ANXA8: variants seen among roughly 807,000 people sequenced by gnomAD.
The protein encoded by ANXA8 is VAC-beta.
A neutral mutation model predicts 26.8 loss-of-function variants in ANXA8; 9 were observed. The observed-to-expected ratio is 0.34, with a 90% CI of 0.20 to 0.59. The LOEUF is 0.59. ANXA8 is among the 20% of genes least tolerant of loss of function. The probability of loss-of-function intolerance (pLI) is 0.84; values close to 1 mark genes in which losing one functional copy is unlikely to be tolerated. For synonymous variants in ANXA8, 39 were observed against 94.8 expected (o/e 0.41, Z 3.42); for missense variants, 83 against 238.5 (o/e 0.35, Z 4.29).
the ANXA8 span, among the ~76,000 whole-genome samples, chr10:47,978,276 A>G: frequency 6.6e-6 from 1 of 151,212 alleles, no homozygotes. Flanking sequence ...AGAGTTCATC[A>G]TGAGTAGATC....
At chr10:47,939,214 A>G in the ANXA8 span, among the ~76,000 whole-genome samples, 1 of 143,926 alleles carries the variant, frequency 6.9e-6, no homozygotes, top group Non-Finnish European at 1.5e-5. Flanking sequence ...GAGGCAGGAG[A>G]ATCACTTGAA....
the ANXA8 span, among the ~76,000 whole-genome samples, chr10:47,956,702 T>C: frequency 6.6e-6 from 1 of 150,728 alleles, no homozygotes; most frequent in African/African-American, 2.5e-5. Context: ...AGCAGTTTTG[T>C]ATCACTGTAG....
At chr10:47,953,967 G>A in the ANXA8 span, among the ~76,000 whole-genome samples, 13 of 150,130 alleles carry the variant, frequency 8.7e-5, no homozygotes, top group African/African-American at 3.0e-4. Flanking sequence ...ACAGCCACTA[G>A]GATGAACAGT....
At chr10:47,574,109 CTTTTTTTTTT>C in the ANXA8 span, among the ~76,000 whole-genome samples, 1 of 25,434 alleles carries the variant, frequency 3.9e-5, no homozygotes, top group African/African-American at 1.6e-4. Context: ...AGTTTAACCT[CTTTTTTTTTT>C]TTTTTTTTTT....
rs1839960994 is a variant in ANXA8, at chr10:47,484,090, C to G, written c.-157G>C. On this transcript the variant is annotated 5_prime_UTR_variant, in exon 1 of 12. Coordinates refer to ENST00000585281, the MANE Select transcript of ANXA8 (RefSeq NM_001040084.3). ...CCGCCCAGGGCAGCGCCACACCTGCCTGCCGTCCCCTCGCCCCCGGGCTCT... is the reference window on the plus strand; with the variant it reads ...CCGCCCAGGGCAGCGCCACACCTGCGTGCCGTCCCCTCGCCCCCGGGCTCT... 3 of 1,587,516 alleles carry G rather than the reference C, an allele frequency of 1.9e-6. No homozygotes were observed. The highest frequency in any genetic ancestry group is 2.3e-4 in the Middle Eastern group (1 of 4,392).
At chr10:47,553,710 C>G in the ANXA8 span, among the ~76,000 whole-genome samples, 1 of 150,850 alleles carries the variant, frequency 6.6e-6, no homozygotes, top group Non-Finnish European at 1.5e-5. Flanking sequence ...CAGCCCCACC[C>G]CGCCCTCGGA....
chr10:47,707,175 CAA>C, the ANXA8 span, among the ~76,000 whole-genome samples: 5 of 133,840 alleles, frequency 3.7e-5, no homozygotes, highest in Admixed American at 7.6e-5. Context: ...CTCAAAAAAA[CAA>C]AAAAAAACAA....
chr10:47,557,585 C>A, the ANXA8 span, among the ~76,000 whole-genome samples: 26,840 of 148,902 alleles, frequency 0.18, 2,563 homozygotes, highest in East Asian at 0.51. Context: ...GTTCTGAGGC[C>A]TTTTTGCTTT....
At chr10:47,709,299 A>G in the ANXA8 span, among the ~76,000 whole-genome samples, 1 of 148,422 alleles carries the variant, frequency 6.7e-6, no homozygotes. Context: ...GGAAAGAAGA[A>G]TCACAAATCA....
the ANXA8 span, among the ~76,000 whole-genome samples, chr10:47,630,443 A>C: frequency 6.7e-6 from 1 of 150,036 alleles, no homozygotes; most frequent in African/African-American, 2.5e-5. Context: ...CAAGAAGACA[A>C]AAGGAAAACT....
chr10:47,683,144 T>C, the ANXA8 span, among the ~76,000 whole-genome samples: 1 of 152,034 alleles, frequency 6.6e-6, no homozygotes, highest in Non-Finnish European at 1.5e-5. Context: ...AAAATCATCT[T>C]ATATCTTTTC....
the ANXA8 span, among the ~76,000 whole-genome samples, chr10:47,674,043 G>A: frequency 1.3e-5 from 2 of 151,678 alleles, no homozygotes; most frequent in African/African-American, 4.9e-5. Flanking sequence ...TTTGTAGAAT[G>A]TCATTCTATT....
the ANXA8 span, among the ~76,000 whole-genome samples, chr10:47,551,155 A>G: frequency 6.6e-6 from 1 of 151,956 alleles, no homozygotes; most frequent in Non-Finnish European, 1.5e-5. Context: ...TTAAAAACCA[A>G]AAGGTAAATA....
chr10:47,985,654 T>C, the ANXA8 span: 4 of 127,580 alleles, frequency 3.1e-5, no homozygotes, highest in East Asian at 8.6e-4. Context: ...TACAACACTC[T>C]AGCACCCCCA....
chr10:47,958,653 C>T, the ANXA8 span, among the ~76,000 whole-genome samples: 16 of 148,000 alleles, frequency 1.1e-4, no homozygotes, highest in South Asian at 4.2e-4. Context: ...AGGTACTCCC[C>T]GGCTAACCCT....
At chr10:47,957,313 C>T in the ANXA8 span, among the ~76,000 whole-genome samples, 8 of 150,420 alleles carry the variant, frequency 5.3e-5, 1 homozygote, top group African/African-American at 7.5e-5. Context: ...CCCCAGCTAG[C>T]CTCCGGATGC....
chr10:47,974,793 T>C, the ANXA8 span, among the ~76,000 whole-genome samples: 1 of 149,506 alleles, frequency 6.7e-6, no homozygotes, highest in Non-Finnish European at 1.5e-5. Context: ...TAAAATTTAT[T>C]GAGACTTGCT....
At chr10:47,639,316 T>G in the ANXA8 span, among the ~76,000 whole-genome samples, 2 of 88,176 alleles carry the variant, frequency 2.3e-5, no homozygotes, top group Non-Finnish European at 4.6e-5. Context: ...TTATTATTAT[T>G]TTTTTTTTTT....
chr10:47,672,289 A>G, the ANXA8 span, among the ~76,000 whole-genome samples: 1 of 151,088 alleles, frequency 6.6e-6, no homozygotes, highest in Non-Finnish European at 1.5e-5. Context: ...CTGGGTTGAT[A>G]GCAGGATATC....
Sources: allele counts gnomAD v4.1 joint callset (sites outside exome capture counted in the v4.1 genomes callset), GRCh38; gene constraint gnomAD v4.1.1; transcripts MANE v1.5; gene names NCBI Gene and HGNC (gene_info 2026-07-23, HGNC 2026-07-21).